The following CUX1 variants were observed in gnomAD, a reference collection of about 807,000 sequenced individuals.
The protein encoded by CUX1 is protein CASP.
In CUX1, 31 loss-of-function variants were observed where a neutral mutation model predicts 158.8. That is an observed-to-expected ratio of 0.20 (90% CI 0.15 to 0.26). The LOEUF (loss-of-function observed/expected upper bound fraction) is 0.26, where lower values mean the gene tolerates loss of function less well. CUX1 is among the 10% of genes least tolerant of loss of function. CUX1 has a pLI of 1.00. For missense variants in CUX1, 1,589 were observed against 2,014.6 expected, an observed-to-expected ratio of 0.79 and a Z score of 4.04; for synonymous variants, 879 against 862.1, an observed-to-expected ratio of 1.02 and a Z score of -0.34.
chr7:101,969,725 A>G (rs954237630), intron 2 of CUX1, among the ~76,000 whole-genome samples: 1 of 152,214 alleles, frequency 6.6e-6, no homozygotes, highest in Non-Finnish European at 1.5e-5. Context: ...ACTCCTAAAA[A>G]TACCAAATTA....
chr7:102,106,331 G>T (rs2131013988), intron 6 of CUX1, among the ~76,000 whole-genome samples: 1 of 152,048 alleles, frequency 6.6e-6, no homozygotes, highest in Non-Finnish European at 1.5e-5. Flanking sequence ...CTTGTGATCT[G>T]CCCGCCTCGG....
intron 3 of CUX1, among the ~76,000 whole-genome samples, chr7:102,040,752 A>T (rs752198971): frequency 3.9e-5 from 6 of 152,178 alleles, no homozygotes; most frequent in Non-Finnish European, 7.3e-5. Flanking sequence ...GTTCGCTCCA[A>T]AGAGCATTTC....
At chr7:101,816,887 G>T (rs1342365207), upstream of CUX1, 1 of 978,928 alleles carries the variant, frequency 1.0e-6, no homozygotes, top group African/African-American at 1.8e-5. Context: ...CCGCGCCGCC[G>T]CTCCGGCACC....
intron 3 of CUX1, among the ~76,000 whole-genome samples, chr7:102,068,451 G>GA (rs397755226): frequency 1.1e-3 from 174 of 151,736 alleles, no homozygotes; most frequent in African/African-American, 4.0e-3. Context: ...GGTTGAGGGG[G>GA]TGGAAATGTG....
intron 16 of CUX1, among the ~76,000 whole-genome samples, chr7:102,199,809 T>C (rs1320559852): frequency 3.3e-5 from 5 of 152,212 alleles, no homozygotes; most frequent in African/African-American, 1.2e-4. Flanking sequence ...AATGATCGGT[T>C]CTCCCGGGTA....
intron 4 of CUX1, 95 bp from the exon 5 acceptor site, chr7:102,097,269 G>A: frequency 2.1e-6 from 3 of 1,444,924 alleles, no homozygotes; most frequent in Non-Finnish European, 2.8e-6. Flanking sequence ...CCCCGGAGCT[G>A]ATGTCCCAGG....
chr7:102,253,250 C>T lies in CUX1; in HGVS notation c.*4208C>T. 2 of 985,584 alleles carry T rather than the reference C, an allele frequency of 2.0e-6. No homozygotes were observed. Among genetic ancestry groups the T allele is most frequent in the Non-Finnish European group, 2.4e-6 (2 of 830,042 alleles). The allele number at this position is 985,584 out of a possible 1,614,324, so 61.1% of individuals were successfully genotyped here. On this transcript the variant is annotated 3_prime_UTR_variant, in exon 24 of 24. Coordinates refer to ENST00000292535, the MANE Select transcript of CUX1 (RefSeq NM_181552.4). Reference sequence around the variant, plus strand: ...TTAAATATTCCTTTCTGGCCACCGCCCAAGCCCAGGTGGCCAGCTCTCATA... The same window carrying T: ...TTAAATATTCCTTTCTGGCCACCGCTCAAGCCCAGGTGGCCAGCTCTCATA...
intron 1 of CUX1, among the ~76,000 whole-genome samples, chr7:101,830,405 G>A (rs1243275815): frequency 1.3e-5 from 2 of 152,168 alleles, no homozygotes; most frequent in African/African-American, 2.4e-5. Context: ...TTTTCCTCGG[G>A]GAATTATCAT....
At chr7:101,833,369 AGACCCT>A (rs1794268029) in intron 1 of CUX1, among the ~76,000 whole-genome samples, 1 of 151,172 alleles carries the variant, frequency 6.6e-6, no homozygotes, top group South Asian at 2.1e-4. Context: ...GGCAACAGTG[AGACCCT>A]GTCTCTACAG....
chr7:102,177,781 A>G (rs1792546035), intron 10 of CUX1, among the ~76,000 whole-genome samples: 1 of 152,176 alleles, frequency 6.6e-6, no homozygotes, highest in Non-Finnish European at 1.5e-5. Context: ...CTCCTTTGAC[A>G]GTGGTCACCC....
Position 102,196,984 on chromosome 7 carries a change from C to T in CUX1, c.1573C>T (p.Gln525Ter). 6.2e-7 allele frequency: 1 copy of T among 1,614,242 alleles called. No individual in the cohort carries two copies. The highest frequency in any genetic ancestry group is 2.2e-5 in the East Asian group (1 of 44,892). Reference sequence around the variant, plus strand: ...CATATCTTCCCAAAGTCCATTACAACAAAGCCCAGATGTCAATGGCATGGC... The same window carrying T: ...CATATCTTCCCAAAGTCCATTACAATAAAGCCCAGATGTCAATGGCATGGC... ...NSISSQSPLQ[Q>*]SPDVNGMAPS... Residue 525 changes from glutamine to a stop codon, truncating the protein, a stop_gained, in exon 15 of 24, where the codon CAA becomes TAA. Coordinates refer to ENST00000292535, the MANE Select transcript of CUX1 (RefSeq NM_181552.4). LOFTEE classifies it high-confidence loss of function.
At chr7:102,129,412 A>G (rs782432342) in intron 8 of CUX1, among the ~76,000 whole-genome samples, 2 of 152,152 alleles carry the variant, frequency 1.3e-5, no homozygotes, top group Non-Finnish European at 2.9e-5. Context: ...GGCTGGGCAC[A>G]GTGGCTCACC....
chr7:102,104,767 C>T (rs1156234548), intron 6 of CUX1, among the ~76,000 whole-genome samples: 1 of 151,950 alleles, frequency 6.6e-6, no homozygotes, highest in Admixed American at 6.6e-5. Flanking sequence ...TGGTGGCGCA[C>T]GTCTGTAATC....
At chr7:102,229,442 G>A in intron 21 of CUX1, among the ~76,000 whole-genome samples, 1 of 151,440 alleles carries the variant, frequency 6.6e-6, no homozygotes, top group East Asian at 1.9e-4. Flanking sequence ...CTCCCGAGTA[G>A]CTGGGATTAC....
At chr7:101,823,110 G>C (rs183046794) in intron 1 of CUX1, among the ~76,000 whole-genome samples, 1 of 152,218 alleles carries the variant, frequency 6.6e-6, no homozygotes, top group South Asian at 2.1e-4. Flanking sequence ...GCCCAGGACC[G>C]TTGGCAGAAA....
chr7:102,050,429 A>G (rs1823356070), intron 3 of CUX1, among the ~76,000 whole-genome samples: 2 of 152,096 alleles, frequency 1.3e-5, no homozygotes, highest in Admixed American at 6.6e-5. Context: ...TGTCCCATCC[A>G]CACTCCAGAG....
At chr7:102,282,990 C>A (rs782335750) in intron 22 of CUX1, 6 of 1,587,148 alleles carry the variant, frequency 3.8e-6, no homozygotes, top group Admixed American at 1.7e-5. Flanking sequence ...CACACACACT[C>A]GGCCTCAGCA....
intron 20 of CUX1, among the ~76,000 whole-genome samples, chr7:102,220,284 C>T (rs1797677013): frequency 6.6e-6 from 1 of 152,164 alleles, no homozygotes; most frequent in Non-Finnish European, 1.5e-5. Context: ...CTGCTTGAAA[C>T]CGGGAGGCGG....
At position 102,248,095 on chromosome 7, in the gene CUX1, C is replaced by G. The variant is rs782726094; in HGVS notation, c.3888-317C>G. On this transcript the variant is annotated intron_variant, in intron 23 of 23. Transcript: ENST00000292535. This position sits in a 1 kb window ranked among gnomAD's most constrained non-coding sequence, Gnocchi z 5.8. ...GCAGTCTGCGGAGATTGAGCCACTG[C>G]ACTCCACCTGGGCAGCAACAGGGAA... Among the ~76,000 whole-genome samples the G allele has an allele frequency of 2.0e-5, 3 of 152,228 alleles. No individual in the cohort carries two copies. Among genetic ancestry groups the G allele is most frequent in the Non-Finnish European group, 4.4e-5 (3 of 68,038 alleles).
Sources: gnomAD v4.1 joint callset for allele counts (sites outside exome capture counted in the v4.1 genomes callset) on GRCh38, gnomAD v4.1.1 for gene constraint, Gnocchi (gnomAD v3.1) non-coding constraint, MANE v1.5 for transcripts, NCBI Gene and HGNC (gene_info 2026-07-23, HGNC 2026-07-21) for gene names.